PREX2: variants seen among roughly 807,000 people sequenced by gnomAD.
The protein encoded by PREX2 is phosphatidylinositol-3,4,5-trisphosphate dependent Rac exchange factor 2.
PREX2 carries 107 observed loss-of-function variants against 203.2 expected under a neutral mutation model. That is an observed-to-expected ratio of 0.53 (90% CI 0.45 to 0.62). The LOEUF (loss-of-function observed/expected upper bound fraction) is 0.62. PREX2 is among the 20% of genes least tolerant of loss of function. The probability of loss-of-function intolerance (pLI) is 0.00; values close to 1 mark genes in which losing one functional copy is unlikely to be tolerated. For missense variants in PREX2, 1,777 were observed against 1,955.9 expected, an observed-to-expected ratio of 0.91 and a Z score of 1.72; for synonymous variants, 672 against 663.6, an observed-to-expected ratio of 1.01 and a Z score of -0.19.
intron 1 of PREX2, among the ~76,000 whole-genome samples, chr8:68,006,102 A>C (rs1317145854): frequency 6.6e-6 from 1 of 152,204 alleles, no homozygotes; most frequent in African/African-American, 2.4e-5. Flanking sequence ...GTTGACCTGC[A>C]GAGAGCAGCT....
chr8:68,004,792 A>G (rs1452970840), intron 1 of PREX2, among the ~76,000 whole-genome samples: 1 of 152,210 alleles, frequency 6.6e-6, no homozygotes, highest in Non-Finnish European at 1.5e-5. Flanking sequence ...AGAATTAGAA[A>G]CCAAGCATGG....
chr8:68,195,993 A>T (rs1393309720), intron 37 of PREX2, among the ~76,000 whole-genome samples: 2 of 152,246 alleles, frequency 1.3e-5, no homozygotes, highest in Non-Finnish European at 2.9e-5. Context: ...AGAGCTACAT[A>T]CAACAGTGAA....
chr8:67,991,658 G>C (rs1806612778), intron 1 of PREX2, among the ~76,000 whole-genome samples: 1 of 152,140 alleles, frequency 6.6e-6, no homozygotes, highest in South Asian at 2.1e-4. Flanking sequence ...TCTCTCCCTT[G>C]ACACGTGGGG....
In PREX2 at chr8:68,105,679, GATT is replaced by G. The variant is rs1181001219; in HGVS notation, c.2716-2427_2716-2425del. 625 of 185,754 alleles carry G rather than the reference GATT, an allele frequency of 3.4e-3. 3 individuals are homozygous for G. In the African/African-American group the frequency reaches 0.042, roughly 12 times the overall value. 11.5% of individuals were successfully genotyped at this position (185,754 alleles called of 1,614,324 possible). A position where few individuals can be genotyped will look rare whatever the true frequency, so the allele number is the denominator to read the frequency against. ...GTAAATGACAGACCATATATATATGGATTATATATATATATATATATGGATATA... is the reference window on the plus strand; with the variant it reads ...GTAAATGACAGACCATATATATATGGATATATATATATATATATGGATATA... On this transcript the variant is annotated intron_variant, in intron 23 of 39. Coordinates refer to ENST00000288368, the MANE Select transcript of PREX2 (RefSeq NM_024870.4).
rs76347587 is a variant in PREX2 at position 68,085,784 on chromosome 8, C to A, written c.2028-1940C>A. Among the ~76,000 whole-genome samples the A allele has an allele frequency of 3.9e-3, 590 of 152,206 alleles. 3 individuals are homozygous for A. Among genetic ancestry groups the A allele is most frequent in the African/African-American group, 0.014 (564 of 41,526 alleles). On this transcript the variant is annotated intron_variant, in intron 18 of 39. Transcript: ENST00000288368. The stretch of plus-strand genomic sequence containing the variant: ...AATTTCGATTAAGGAAAAAATAATT[C>A]TCTTAAAGATTAGAGTCAACCTTCC...
intron 11 of PREX2, among the ~76,000 whole-genome samples, chr8:68,065,668 AT>A (rs1375025145): frequency 6.6e-6 from 1 of 152,224 alleles, no homozygotes. Context: ...TAGCAAAAAA[AT>A]AAAGGTCAAA....
At chr8:68,170,816 C>T (rs980067597) in intron 35 of PREX2, among the ~76,000 whole-genome samples, 4 of 152,114 alleles carry the variant, frequency 2.6e-5, no homozygotes, top group Non-Finnish European at 5.9e-5. Flanking sequence ...TCCCTATCAG[C>T]CTCATTTTTC....
rs776227872 is a variant in PREX2, at chr8:68,038,199, G to A, written c.746G>A (p.Cys249Tyr). ...ITDTCTEMLM[C>Y]GVLLKISSGN... ...GACACCTGCACTGAAATGCTAATGTGTGGAGTCTTACTGAAAATTTCTTCT... is the reference window on the plus strand; with the variant it reads ...GACACCTGCACTGAAATGCTAATGTATGGAGTCTTACTGAAAATTTCTTCT... The change falls in exon 7 of 40, where the codon TGT becomes TAT. Residue 249 changes from cysteine (C) to tyrosine (Y), a missense_variant. Cys to Tyr is a radical substitution (Grantham distance 194). Coordinates refer to ENST00000288368, the MANE Select transcript of PREX2 (RefSeq NM_024870.4). 1.9e-6 allele frequency: 3 copies of A among 1,613,816 alleles called. No individual in the cohort carries two copies. The South Asian group carries it at 3.3e-5, about 18-fold the overall frequency.
chr8:68,002,088 T>A (rs1395263065), intron 1 of PREX2, among the ~76,000 whole-genome samples: 4 of 146,618 alleles, frequency 2.7e-5, no homozygotes, highest in Non-Finnish European at 4.5e-5. Context: ...AAAATAAACT[T>A]AAAAAAAAAA....
chr8:68,012,150 C>T (rs1417517046), intron 1 of PREX2, among the ~76,000 whole-genome samples: 1 of 152,082 alleles, frequency 6.6e-6, no homozygotes, highest in Non-Finnish European at 1.5e-5. Context: ...AATTCTTTCC[C>T]CTGAAAATTC....
chr8:68,004,803 C>A (rs1807046915), intron 1 of PREX2, among the ~76,000 whole-genome samples: 1 of 152,082 alleles, frequency 6.6e-6, no homozygotes, highest in Admixed American at 6.6e-5. Flanking sequence ...CCAAGCATGG[C>A]CACATCTCAT....
At chr8:68,100,582 G>T (rs556882702) in intron 23 of PREX2, among the ~76,000 whole-genome samples, 2 of 152,328 alleles carry the variant, frequency 1.3e-5, no homozygotes, top group South Asian at 4.1e-4. Flanking sequence ...GAAGCCTCCA[G>T]GGAGAAGGAA....
intron 35 of PREX2, among the ~76,000 whole-genome samples, chr8:68,177,936 A>G (rs988144472): frequency 6.6e-6 from 1 of 152,122 alleles, no homozygotes; most frequent in Non-Finnish European, 1.5e-5. Flanking sequence ...AATGGCTTCC[A>G]CCGTCATCCA....
At chr8:67,978,189 A>G (rs1192308944) in intron 1 of PREX2, among the ~76,000 whole-genome samples, 1 of 152,040 alleles carries the variant, frequency 6.6e-6, no homozygotes, top group Non-Finnish European at 1.5e-5. Flanking sequence ...GTGTGTGGGG[A>G]AATCTCCCCC....
chr8:68,151,238 T>A (rs1413798979), intron 34 of PREX2, among the ~76,000 whole-genome samples: 1 of 151,664 alleles, frequency 6.6e-6, no homozygotes, highest in Non-Finnish European at 1.5e-5. Flanking sequence ...CTGGGCAACA[T>A]AGTGAGACCT....
intron 37 of PREX2, among the ~76,000 whole-genome samples, chr8:68,200,454 A>G (rs1812478614): frequency 6.6e-6 from 1 of 150,574 alleles, no homozygotes; most frequent in South Asian, 2.1e-4. Flanking sequence ...TTAGTCAACT[A>G]GATAAATAAT....
At chr8:68,026,355 TGTA>T (rs1807714770) in intron 4 of PREX2, among the ~76,000 whole-genome samples, 1 of 152,060 alleles carries the variant, frequency 6.6e-6, no homozygotes, top group African/African-American at 2.4e-5. Context: ...TTTTAAAAAT[TGTA>T]GTATGAAAGT....
At chr8:68,170,799 G>A (rs961693032) in intron 35 of PREX2, among the ~76,000 whole-genome samples, 1 of 151,906 alleles carries the variant, frequency 6.6e-6, no homozygotes, top group African/African-American at 2.4e-5. Context: ...CTGGCCATGA[G>A]CTATCATCCC....
At chr8:67,986,679 TG>T (rs748357790) in intron 1 of PREX2, among the ~76,000 whole-genome samples, 11 of 152,218 alleles carry the variant, frequency 7.2e-5, no homozygotes, top group Non-Finnish European at 1.3e-4. Flanking sequence ...GCACCCAGCA[TG>T]GTGCCTTTCT....
Sources: gnomAD v4.1 joint callset for allele counts (sites outside exome capture counted in the v4.1 genomes callset) on GRCh38, gnomAD v4.1.1 for gene constraint, MANE v1.5 for transcripts, NCBI Gene and HGNC (gene_info 2026-07-23, HGNC 2026-07-21) for gene names.